NAPEPLD: variants seen among roughly 807,000 people sequenced by gnomAD.
The protein encoded by NAPEPLD is N-acyl phosphatidylethanolamine phospholipase D.
In NAPEPLD, 23 loss-of-function variants were observed where a neutral mutation model predicts 38.1. The observed-to-expected ratio is 0.60, with a 90% CI of 0.43 to 0.86. NAPEPLD has a LOEUF of 0.86. Among genes scored for constraint, NAPEPLD ranks in the 40% least tolerant of loss-of-function variants. The probability of loss-of-function intolerance (pLI) is 0.00; values close to 1 mark genes in which losing one functional copy is unlikely to be tolerated. For missense variants in NAPEPLD, 411 were observed against 476.8 expected (o/e 0.86, Z 1.28); for synonymous variants, 147 against 162.0 (o/e 0.91, Z 0.71).
intron 3 of NAPEPLD, among the ~76,000 whole-genome samples, chr7:103,119,043 T>C (rs554545866): frequency 3.8e-4 from 58 of 152,304 alleles, no homozygotes; most frequent in African/African-American, 1.3e-3. Context: ...GCACTCAAGT[T>C]ATGGAGCAAA....
At chr7:103,108,366 C>T (rs1803832358) in intron 4 of NAPEPLD, among the ~76,000 whole-genome samples, 1 of 152,144 alleles carries the variant, frequency 6.6e-6, no homozygotes, top group Non-Finnish European at 1.5e-5. Context: ...TGGTCTCGAA[C>T]TCCTGACCTC....
At chr7:103,110,787 T>C (rs867957236) in intron 4 of NAPEPLD, among the ~76,000 whole-genome samples, 30 of 152,302 alleles carry the variant, frequency 2.0e-4, no homozygotes, top group Middle Eastern at 6.8e-3. Flanking sequence ...GGAAGTCAGA[T>C]TGTCTCTGTT....
chr7:103,109,343 A>T (rs1007632598), intron 4 of NAPEPLD, among the ~76,000 whole-genome samples: 6 of 152,222 alleles, frequency 3.9e-5, no homozygotes, highest in African/African-American at 1.4e-4. Flanking sequence ...ATTGGAAGTA[A>T]AACACTCCTC....
At chr7:103,137,984 CTTTTTTT>C (rs11413343) in intron 1 of NAPEPLD, among the ~76,000 whole-genome samples, 1 of 143,776 alleles carries the variant, frequency 7.0e-6, no homozygotes, top group Non-Finnish European at 1.5e-5. Context: ...TGCTTTTTTT[CTTTTTTT>C]TTTTGAGACG....
At chr7:103,140,326 C>T (rs576863407) in intron 1 of NAPEPLD, among the ~76,000 whole-genome samples, 2 of 149,680 alleles carry the variant, frequency 1.3e-5, no homozygotes, top group South Asian at 2.1e-4. Flanking sequence ...AGAATAAACT[C>T]TGGAATGTGT....
At chr7:103,106,331 A>G (rs1366314660) in intron 4 of NAPEPLD, among the ~76,000 whole-genome samples, 1 of 150,284 alleles carries the variant, frequency 6.7e-6, no homozygotes, top group Non-Finnish European at 1.5e-5. Context: ...TTGGGCAGAC[A>G]CCAAACTAGC....
intron 1 of NAPEPLD, among the ~76,000 whole-genome samples, chr7:103,148,445 C>T (rs1416749687): frequency 6.8e-6 from 1 of 147,346 alleles, no homozygotes; most frequent in African/African-American, 2.5e-5. Flanking sequence ...CCATATCGAG[C>T]TCTAGCTTGA....
rs370423184 is a variant in NAPEPLD at position 103,103,385 on chromosome 7, T to G, written c.*44A>C. On this transcript the variant is annotated 3_prime_UTR_variant, in exon 5 of 5. Coordinates refer to ENST00000465647, the MANE Select transcript of NAPEPLD (RefSeq NM_001122838.3). ...TAAGTCTTTTCATTTGTTTTTAAAC[T>G]TAGATGATGCCTTTTTCATTAAAAG... The G allele has an allele frequency of 2.6e-5, 39 of 1,522,162 alleles. No individual in the cohort carries two copies. Among genetic ancestry groups the G allele is most frequent in the South Asian group, 2.3e-4 (18 of 78,462 alleles). The allele number at this position is 1,522,162 out of a possible 1,614,324, so 94.3% of individuals were successfully genotyped here.
At chr7:103,137,832 A>G (rs7792802) in intron 1 of NAPEPLD, among the ~76,000 whole-genome samples, 127,854 of 143,652 alleles carry the variant, frequency 0.89, 58,871 homozygotes, top group East Asian at 1. Context: ...AAAAAAAAAA[A>G]AAAAGAAAAA....
chr7:103,127,423 C>T (rs1808050418), intron 2 of NAPEPLD: 1 of 152,118 alleles, frequency 6.6e-6, no homozygotes, highest in African/African-American at 2.4e-5. Context: ...AACTTACTTT[C>T]CATGTACCCT....
At position 103,128,691 on chromosome 7, in the gene NAPEPLD, C is replaced by G. The variant is rs145821009; in HGVS notation, c.86G>C (p.Arg29Pro). The change falls in exon 2 of 5, where the codon CGG (arginine) becomes CCG (proline). Residue 29 changes from arginine to proline, a missense_variant. Physicochemically the swap from Arg to Pro is moderately radical, Grantham distance 103 (BLOSUM62 -2). Transcript: ENST00000465647. ...EAVRKRQNSARNSGASDSSRF... is the reference protein window; with the variant it reads ...EAVRKRQNSAPNSGASDSSRF... Reference sequence around the variant, plus strand: ...AGAAGAATCACTTGCTCCGGAATTCCGTGCTGAATTTTGACGTTTTCTTAC... The same window carrying G: ...AGAAGAATCACTTGCTCCGGAATTCGGTGCTGAATTTTGACGTTTTCTTAC... 9.7e-5 allele frequency: 156 copies of G among 1,613,970 alleles called. No individual in the cohort carries two copies. The highest frequency in any genetic ancestry group is 8.2e-5 in the Non-Finnish European group (97 of 1,180,038).
upstream of NAPEPLD, chr7:103,149,412 C>A: frequency 8.1e-7 from 1 of 1,229,442 alleles, no homozygotes; most frequent in South Asian, 1.3e-5. Context: ...CTAACCCGAG[C>A]CCGCCGCGCT....
chr7:103,117,648 GAAAC>G (rs1805832659), intron 3 of NAPEPLD, among the ~76,000 whole-genome samples: 1 of 152,082 alleles, frequency 6.6e-6, no homozygotes, highest in Admixed American at 6.6e-5. Context: ...AGTAACCAAA[GAAAC>G]AGACTACACA....
intron 4 of NAPEPLD, among the ~76,000 whole-genome samples, chr7:103,110,972 G>C (rs1804404261): frequency 6.6e-6 from 1 of 151,652 alleles, no homozygotes; most frequent in Non-Finnish European, 1.5e-5. Flanking sequence ...ACCAATAACA[G>C]GCAAAGAGTC....
intron 4 of NAPEPLD, among the ~76,000 whole-genome samples, chr7:103,108,785 C>T (rs1031639537): frequency 1.3e-5 from 2 of 152,138 alleles, no homozygotes; most frequent in African/African-American, 4.8e-5. Context: ...AATTAAAAGA[C>T]ACAGACTGGT....
chr7:103,147,717 T>G (rs894048906), intron 1 of NAPEPLD, among the ~76,000 whole-genome samples: 2 of 152,232 alleles, frequency 1.3e-5, no homozygotes, highest in Admixed American at 6.5e-5. Flanking sequence ...AATTTTAAAA[T>G]TAGAATTTTG....
intron 1 of NAPEPLD, among the ~76,000 whole-genome samples, chr7:103,136,583 C>T (rs1169417706): frequency 7.6e-5 from 4 of 52,532 alleles, no homozygotes; most frequent in South Asian, 1.1e-3. Flanking sequence ...AAGACTCTGT[C>T]TCACAAAAAA....
chr7:103,149,831 T>C (rs1435685137), upstream of NAPEPLD, among the ~76,000 whole-genome samples: 1 of 152,242 alleles, frequency 6.6e-6, no homozygotes, highest in East Asian at 1.9e-4. Flanking sequence ...CGGACTGTCA[T>C]AGCCAACTCA....
chr7:103,128,816 T>C (rs764163055), intron 1 of NAPEPLD, 24 bp from the exon 2 acceptor site: 2 of 1,585,368 alleles, frequency 1.3e-6, no homozygotes, highest in South Asian at 2.3e-5. Flanking sequence ...GGGGGAAAAA[T>C]ACTGAGTTGA....
Sources: allele counts gnomAD v4.1 joint callset (sites outside exome capture counted in the v4.1 genomes callset), GRCh38; gene constraint gnomAD v4.1.1; transcripts MANE v1.5; gene names NCBI Gene and HGNC (gene_info 2026-07-23, HGNC 2026-07-21).